HFM1: variants seen among roughly 807,000 people sequenced by gnomAD.
The protein encoded by HFM1 is helicase for meiosis 1.
Under a neutral mutation model 192.1 loss-of-function variants are expected in HFM1, and 169 were observed. The ratio of observed to expected loss-of-function variants is 0.88; its 90% confidence interval spans 0.78 to 1.00. The LOEUF (loss-of-function observed/expected upper bound fraction) is 1.00, where lower values mean the gene tolerates loss of function less well. Among genes scored for constraint, HFM1 ranks in the 50% least tolerant of loss-of-function variants. HFM1 has a pLI of 0.00. For synonymous variants in HFM1, 525 were observed against 537.8 expected (o/e 0.98, Z 0.33); for missense variants, 1,661 against 1,668.0 (o/e 1.00, Z 0.07).
At chr1:91,274,181 G>A (rs1666586982) in intron 33 of HFM1, among the ~76,000 whole-genome samples, 1 of 151,826 alleles carries the variant, frequency 6.6e-6, no homozygotes, top group African/African-American at 2.4e-5. Context: ...CAGGATACAG[G>A]AAAAGAACAA....
At chr1:91,329,159 G>A in intron 20 of HFM1, 3 of 1,609,894 alleles carry the variant, frequency 1.9e-6, no homozygotes, top group Non-Finnish European at 2.5e-6. Flanking sequence ...AGATCGTGCA[G>A]CGACTTGACC....
Position 91,377,965 on chromosome 1 carries a change from A to T in HFM1, c.1395+60T>A, listed in dbSNP as rs1234982772. ...AAATTCACTTTTCTCTATGATCAAG[A>T]TGACTAAATATTTCACAAGTCATAA... On this transcript the variant is annotated intron_variant, in intron 11 of 38. Transcript: ENST00000370425. 4 of 1,442,192 alleles carry T rather than the reference A, an allele frequency of 2.8e-6. No individual in the cohort carries two copies. The East Asian group carries it at 9.1e-5, about 33-fold the overall frequency. 89.3% of individuals were successfully genotyped at this position (1,442,192 alleles called of 1,614,324 possible). A position where few individuals can be genotyped will look rare whatever the true frequency, so the allele number is the denominator to read the frequency against.
Position 91,313,404 on chromosome 1 carries a change from T to C in HFM1, c.3336A>G (p.Thr1112=). The part of the protein sequence containing the change: ...NQITMQRKSE[T]QISHSKHSDI... ...CTGAATGTTTAGAATGGGAAATCTG[T>C]GTTTCAGATTTTCTTTGCATAGTGA... The change falls in exon 30 of 39, where the codon ACA becomes ACG. Residue 1112 remains threonine, a synonymous_variant. Transcript: ENST00000370425. 6.3e-7 allele frequency: 1 copy of C among 1,594,680 alleles called. No individual in the cohort carries two copies. The highest frequency in any genetic ancestry group is 8.6e-7 in the Non-Finnish European group (1 of 1,164,666).
rs755325879 is a variant in HFM1 at position 91,262,610 on chromosome 1, T to G, written c.3975-18A>C. On this transcript the variant is annotated intron_variant, in intron 36 of 38. Transcript: ENST00000370425. ...AAACAAAACTAAAAATTAAAATTAATTATTTGTAAAATACGGCAAACAAGA... is the reference window on the plus strand; with the variant it reads ...AAACAAAACTAAAAATTAAAATTAAGTATTTGTAAAATACGGCAAACAAGA... 4 of 1,420,076 alleles carry G rather than the reference T, an allele frequency of 2.8e-6. No homozygotes were observed. In the African/African-American group the frequency reaches 5.7e-5, roughly 20 times the overall value. The allele number at this position is 1,420,076 out of a possible 1,614,324, so 88.0% of individuals were successfully genotyped here. A position where few individuals can be genotyped will look rare whatever the true frequency, so the allele number is the denominator to read the frequency against.
At chr1:91,263,589 A>T (rs4658206) in intron 36 of HFM1, among the ~76,000 whole-genome samples, 31,087 of 151,600 alleles carry the variant, frequency 0.21, 3,944 homozygotes, top group South Asian at 0.35. Context: ...GAAAAAAAAA[A>T]TTTTTTTTAA....
At position 91,319,188 on chromosome 1, in the gene HFM1, G is replaced by A; in HGVS notation, c.2702C>T (p.Ala901Val). The change falls in exon 25 of 39, where the codon GCT becomes GTT. Residue 901 changes from alanine to valine, a missense_variant. By Grantham distance (64) the Ala-to-Val change is moderately conservative. Transcript: ENST00000370425. ...ITRWLSDFVA[A>V]QEKKFAVLLN... ...TAGTACAGCAAACTTCTTTTCTTGA[G>A]CAGCTACAAAATCTGACAACCCTAA... is the stretch of plus-strand genomic sequence containing the variant. The A allele has an allele frequency of 2.5e-6, 4 of 1,607,948 alleles. No individual in the cohort carries two copies. Among genetic ancestry groups the A allele is most frequent in the Non-Finnish European group, 3.4e-6 (4 of 1,178,278 alleles).
At chr1:91,285,415 T>G (rs1258065821) in intron 30 of HFM1, among the ~76,000 whole-genome samples, 2 of 152,222 alleles carry the variant, frequency 1.3e-5, no homozygotes, top group Non-Finnish European at 1.5e-5. Context: ...AATATCAGTT[T>G]GTATCATTTA....
At chr1:91,287,982 G>A (rs1208008089) in intron 30 of HFM1, among the ~76,000 whole-genome samples, 6 of 151,906 alleles carry the variant, frequency 3.9e-5, no homozygotes, top group Middle Eastern at 3.4e-3. Context: ...AAAAAGAAAC[G>A]AGCAAAGCCT....
Position 91,261,053 on chromosome 1 carries a change from CCTTAA to C in HFM1, c.*232_*236del, listed in dbSNP as rs1246943674. 5.2e-5 allele frequency: 15 copies of C among 289,790 alleles called. No individual in the cohort carries two copies. In the East Asian group the frequency reaches 5.7e-4, roughly 11 times the overall value. 18.0% of individuals were successfully genotyped at this position (289,790 alleles called of 1,614,324 possible). On this transcript the variant is annotated 3_prime_UTR_variant, in exon 39 of 39. Transcript: ENST00000370425. ...CAACTTATTTCTAAGTGCAATCAGC[CCTTAA>C]CTTAAGGGCTTATTGAAACAAAGCC...
intron 30 of HFM1, among the ~76,000 whole-genome samples, chr1:91,286,749 G>A (rs1233319489): frequency 2.0e-5 from 3 of 152,178 alleles, no homozygotes; most frequent in East Asian, 3.9e-4. Flanking sequence ...CTGAGGTACC[G>A]GGTTCATCTC....
Position 91,261,256 on chromosome 1 carries a change from TTTCTC to T in HFM1, c.*29_*33del, listed in dbSNP as rs1268355205. On this transcript the variant is annotated 3_prime_UTR_variant, in exon 39 of 39. Transcript: ENST00000370425. The stretch of plus-strand genomic sequence containing the variant: ...GCTTTGTGATTAGGTGTCTTTATTC[TTTCTC>T]TTATCAATATAAAAAGTATTTGTTT... The T allele has an allele frequency of 2.1e-6, 2 of 940,444 alleles. No individual in the cohort carries two copies. Among genetic ancestry groups the T allele is most frequent in the East Asian group, 3.1e-5 (1 of 31,998 alleles). 58.3% of individuals were successfully genotyped at this position (940,444 alleles called of 1,614,324 possible).
intron 30 of HFM1, among the ~76,000 whole-genome samples, chr1:91,304,633 ATTTT>A (rs58215219): frequency 9.2e-5 from 13 of 140,696 alleles, no homozygotes; most frequent in Admixed American, 2.1e-4. Context: ...CAGCCGGCTA[ATTTT>A]TTTTTTTTTT....
At position 91,266,241 on chromosome 1, in the gene HFM1, T is replaced by C. The variant is rs549869292; in HGVS notation, c.3884-134A>G. The C allele has an allele frequency of 1.1e-5, 7 of 663,676 alleles. No homozygotes were observed. In the South Asian group the frequency reaches 1.3e-4, roughly 12 times the overall value. The allele number at this position is 663,676 out of a possible 1,614,324, so 41.1% of individuals were successfully genotyped here. ...GAATGAATAATTCTCAGTAACCTAA[T>C]TTAATTTGCATAGAAAAATTAGGGG... On this transcript the variant is annotated intron_variant, in intron 35 of 38. Coordinates refer to ENST00000370425, the MANE Select transcript of HFM1 (RefSeq NM_001017975.6).
chr1:91,361,047 T>G (rs987794251), intron 13 of HFM1, among the ~76,000 whole-genome samples: 3 of 152,106 alleles, frequency 2.0e-5, no homozygotes, highest in African/African-American at 7.2e-5. Flanking sequence ...GTTAAAGCAG[T>G]GTTAAGAGAG....
At chr1:91,376,515 A>G (rs1464316447) in intron 11 of HFM1, among the ~76,000 whole-genome samples, 1 of 152,012 alleles carries the variant, frequency 6.6e-6, no homozygotes, top group Admixed American at 6.6e-5. Flanking sequence ...TTTATCACAA[A>G]GGGGAAAAGT....
chr1:91,336,020 C>A (rs1288996753), intron 20 of HFM1, among the ~76,000 whole-genome samples: 1 of 149,634 alleles, frequency 6.7e-6, no homozygotes, highest in Non-Finnish European at 1.5e-5. Context: ...AGGGCTTTCT[C>A]TCTCCCATCC....
intron 36 of HFM1, among the ~76,000 whole-genome samples, chr1:91,264,207 A>T (rs945846057): frequency 1.9e-4 from 29 of 152,070 alleles, no homozygotes; most frequent in African/African-American, 7.0e-4. Context: ...ATGTTGAATG[A>T]TGATTCAAAG....
At chr1:91,286,868 G>C (rs1444029928) in intron 30 of HFM1, among the ~76,000 whole-genome samples, 2 of 152,200 alleles carry the variant, frequency 1.3e-5, no homozygotes, top group Admixed American at 1.3e-4. Flanking sequence ...GGGTCAGGGA[G>C]TTCCCTTTCC....
chr1:91,353,652 C>CCAAA lies in HFM1; in HGVS notation c.1686-354_1686-353insTTTG, dbSNP rs1553213573. ...AACTACTATATTACTAGTAAATAAG[C>CCAAA]AAAAAAAAAAAAAAAAAAAACATGG... is the stretch of plus-strand genomic sequence containing the variant. On this transcript the variant is annotated intron_variant, in intron 13 of 38. Transcript: ENST00000370425. Among the ~76,000 whole-genome samples, 55 of 65,430 alleles carry CCAAA rather than the reference C, an allele frequency of 8.4e-4. 2 individuals are homozygous for CCAAA. The highest frequency in any genetic ancestry group is 1.8e-3 in the African/African-American group (36 of 19,616). 42.9% of individuals were successfully genotyped at this position (65,430 alleles called of 152,430 possible).
Sources: gnomAD v4.1 joint callset for allele counts (sites outside exome capture counted in the v4.1 genomes callset) on GRCh38, gnomAD v4.1.1 for gene constraint, MANE v1.5 for transcripts, NCBI Gene and HGNC (gene_info 2026-07-23, HGNC 2026-07-21) for gene names.